Variants in TSPAN10 observed in about 807,000 individuals in gnomAD.
TSPAN10 encodes the protein tetraspanin-10.
A neutral mutation model predicts 15.0 loss-of-function variants in TSPAN10; 11 were observed. That is an observed-to-expected ratio of 0.73 (90% CI 0.46 to 1.21). The LOEUF is 1.21. TSPAN10 is among the 50% of genes most tolerant of loss of function. TSPAN10 has a pLI of 0.00. For missense variants in TSPAN10, 486 were observed against 470.6 expected, an observed-to-expected ratio of 1.03 and a Z score of -0.30; for synonymous variants, 241 against 226.2, an observed-to-expected ratio of 1.07 and a Z score of -0.59.
chr17:81,645,726 C>T, intron 2 of TSPAN10, 97 bp downstream of exon 3: 1 of 1,458,360 alleles, frequency 6.9e-7, no homozygotes, highest in South Asian at 1.2e-5. Context: ...CGTACATACT[C>T]ATTCGTGCAT....
intron 2 of TSPAN10, chr17:81,646,661 T>G (rs1297268420): frequency 7.2e-6 from 1 of 138,966 alleles, no homozygotes. Flanking sequence ...GCCTGGGCGA[T>G]GGAGGGAGAC....
chr17:81,646,843 TG>T, intron 2 of TSPAN10, among the ~76,000 whole-genome samples: 1 of 50,120 alleles, frequency 2.0e-5, no homozygotes, highest in East Asian at 0.036. Flanking sequence ...GTCTTTTTGT[TG>T]GTTTGTTTGT....
At chr17:81,644,148 C>T (rs2036210903) in intron 1 of TSPAN10, among the ~76,000 whole-genome samples, 1 of 152,050 alleles carries the variant, frequency 6.6e-6, no homozygotes, top group African/African-American at 2.4e-5. Context: ...AACGTCCAGC[C>T]CGGCCATAGC....
At chr17:81,645,307 G>A (rs6565617) in exon 2 of TSPAN10, 605,145 of 1,543,866 alleles carry the variant, frequency 0.39, 128,323 homozygotes, top group East Asian at 0.76. Flanking sequence ...GCCCCTGCCC[G>A]CAGACCCCAT....
chr17:81,647,730 G>T lies in TSPAN10; in HGVS notation c.675-171G>T, dbSNP rs573661456. On this transcript the variant is annotated intron_variant, in intron 2 of 2. Transcript: ENST00000611590. ...GATACGTTATAGAGAGCCAGGTGCT[G>T]TGTGTGTCCGTGTGTGCAGGTGTGT... The T allele has an allele frequency of 7.3e-6, 5 of 685,080 alleles. No homozygotes were observed. In the Admixed American group the frequency reaches 1.2e-4, roughly 17 times the overall value. 42.4% of individuals were successfully genotyped at this position (685,080 alleles called of 1,614,324 possible).
upstream of TSPAN10, chr17:81,639,112 C>CGA (rs965252598): frequency 1.3e-5 from 2 of 151,646 alleles, no homozygotes; most frequent in African/African-American, 4.8e-5. Flanking sequence ...CAGTTAAGTC[C>CGA]GATCTCTTTA....
chr17:81,647,133 C>A (rs552124347), intron 2 of TSPAN10, among the ~76,000 whole-genome samples: 1 of 152,148 alleles, frequency 6.6e-6, no homozygotes, highest in African/African-American at 2.4e-5. Context: ...GGCTAACAGG[C>A]GGGTCCTTCC....
At chr17:81,639,018 ATAAAC>A (rs1261711451), upstream of TSPAN10, 2 of 152,090 alleles carry the variant, frequency 1.3e-5, no homozygotes, top group African/African-American at 4.8e-5. Context: ...AAGCTAAACT[ATAAAC>A]TAAGCGCCTC....
At chr17:81,641,174 AAAG>A (rs1327606902), upstream of TSPAN10, among the ~76,000 whole-genome samples, 1 of 152,068 alleles carries the variant, frequency 6.6e-6, no homozygotes, top group Non-Finnish European at 1.5e-5. Flanking sequence ...TCAAAAAAAA[AAAG>A]GTTACCCATC....
intron 2 of TSPAN10, 22 bp from the exon 4 acceptor site, chr17:81,647,879 G>A: frequency 6.3e-7 from 1 of 1,591,582 alleles, no homozygotes; most frequent in Admixed American, 1.7e-5. Flanking sequence ...CGCCAGAACT[G>A]ACGATTCCAT....
At chr17:81,640,023 C>T (rs34058970), upstream of TSPAN10, among the ~76,000 whole-genome samples, 6,818 of 152,160 alleles carry the variant, frequency 0.045, 270 homozygotes, top group East Asian at 0.22. Context: ...ACTCCCATCG[C>T]CGAGGCTGGA....
At chr17:81,639,200 C>CTTTTTTTTTTTTTTTTTTT (rs757994889), upstream of TSPAN10, 2 of 115,252 alleles carry the variant, frequency 1.7e-5, 1 homozygote. Context: ...TTTGGAATTA[C>CTTTTTTTTTTTTTTTTTTT]TTTTCTTTTT....
At chr17:81,642,624 C>A (rs1172243351) in intron 1 of TSPAN10, among the ~76,000 whole-genome samples, 176 bp downstream of exon 2, 2 of 152,238 alleles carry the variant, frequency 1.3e-5, no homozygotes, top group South Asian at 2.1e-4. Context: ...CCCTTCCCCA[C>A]TGCGCAGTTC....
At chr17:81,642,379 C>T (rs1415670667), upstream of TSPAN10, 31 of 1,613,316 alleles carry the variant, frequency 1.9e-5, no homozygotes, top group Non-Finnish European at 2.6e-5. Flanking sequence ...TCTCCCGGCG[C>T]CTGTGCTGGG....
exon 3 of TSPAN10, chr17:81,648,266 C>T: frequency 8.2e-7 from 1 of 1,214,074 alleles, no homozygotes; most frequent in East Asian, 3.4e-5. Context: ...CCCGGCGCCC[C>T]GCCCGCTGCC....
intron 2 of TSPAN10, 25 bp from the exon 4 acceptor site, chr17:81,647,876 A>G: frequency 1.3e-6 from 2 of 1,590,078 alleles, no homozygotes; most frequent in Non-Finnish European, 1.7e-6. Flanking sequence ...CCCCGCCAGA[A>G]CTGACGATTC....
At chr17:81,647,854 A>G in intron 2 of TSPAN10, 47 bp from the exon 4 acceptor site, 1 of 1,565,326 alleles carries the variant, frequency 6.4e-7, no homozygotes, top group Non-Finnish European at 8.6e-7. Context: ...TGGTCCCAGA[A>G]GAGCGGGCCC....
upstream of TSPAN10, among the ~76,000 whole-genome samples, chr17:81,640,898 C>T (rs570715008): frequency 5.3e-5 from 8 of 151,772 alleles, no homozygotes; most frequent in Admixed American, 2.6e-4. Context: ...TTTGGCCGGG[C>T]GTGGTGGCTC....
At chr17:81,644,344 GC>G (rs2036214520) in intron 1 of TSPAN10, among the ~76,000 whole-genome samples, 1 of 41,610 alleles carries the variant, frequency 2.4e-5, no homozygotes, top group Non-Finnish European at 3.9e-5. Context: ...TGTCCTGGGA[GC>G]CTGTTGGGCA....
Sources: allele counts gnomAD v4.1 joint callset (sites outside exome capture counted in the v4.1 genomes callset), GRCh38; gene constraint gnomAD v4.1.1; transcripts MANE v1.5; gene names NCBI Gene and HGNC (gene_info 2026-07-23, HGNC 2026-07-21).